NFILZ: variants seen among roughly 807,000 people sequenced by gnomAD.
The protein encoded by NFILZ is NFIL3 like protein.
intron 3 of NFILZ, among the ~76,000 whole-genome samples, chr19:8,642,857 T>C (rs189007587): frequency 6.6e-6 from 1 of 152,056 alleles, no homozygotes; most frequent in Non-Finnish European, 1.5e-5. Flanking sequence ...ATTGTAAATA[T>C]TGGGGCTGTT....
intron 1 of NFILZ, among the ~76,000 whole-genome samples, chr19:8,631,827 C>T (rs1453628754): frequency 1.2e-4 from 11 of 94,452 alleles, no homozygotes; most frequent in African/African-American, 4.2e-4. Flanking sequence ...CCAGTCCTCG[C>T]TTTTGTGTGT....
intron 3 of NFILZ, among the ~76,000 whole-genome samples, chr19:8,640,707 G>T (rs1555746579): frequency 6.6e-6 from 1 of 152,154 alleles, no homozygotes; most frequent in Non-Finnish European, 1.5e-5. Flanking sequence ...GTTGGCAACA[G>T]AATATGTTGT....
rs2043135424 is a variant in NFILZ at position 8,679,488 on chromosome 19, T to C, written c.*1853T>C. On this transcript the variant is annotated 3_prime_UTR_variant, in exon 6 of 6. Coordinates refer to ENST00000691075, the MANE Select transcript of NFILZ (RefSeq NM_001378600.1). ...CACCAGATCTGGGGGCTGGGCTAGT[T>C]CTTGGCTACTCCAAGTTTATCAGAG... is the stretch of plus-strand genomic sequence containing the variant. Among the ~76,000 whole-genome samples, 1 of 151,982 alleles carries C rather than the reference T, an allele frequency of 6.6e-6. No individual in the cohort carries two copies. Among genetic ancestry groups the C allele is most frequent in the Admixed American group, 6.6e-5 (1 of 15,260 alleles).
chr19:8,663,493 G>GAA, intron 3 of NFILZ, among the ~76,000 whole-genome samples: 1 of 146,002 alleles, frequency 6.8e-6, no homozygotes, highest in African/African-American at 2.6e-5. Flanking sequence ...TGGAGGGGAC[G>GAA]CTGGTGGTGG....
At chr19:8,637,566 T>C (rs1238508731) in intron 3 of NFILZ, among the ~76,000 whole-genome samples, 4 of 149,766 alleles carry the variant, frequency 2.7e-5, no homozygotes, top group Admixed American at 6.7e-5. Context: ...TGACCCGAGA[T>C]TGCACCACTG....
intron 3 of NFILZ, among the ~76,000 whole-genome samples, chr19:8,640,990 G>T (rs2146139172): frequency 6.6e-6 from 1 of 152,264 alleles, no homozygotes; most frequent in East Asian, 1.9e-4. Flanking sequence ...TCGGTAATAT[G>T]GACTGAATTG....
At chr19:8,669,147 G>T (rs1237871257) in intron 3 of NFILZ, among the ~76,000 whole-genome samples, 1 of 152,170 alleles carries the variant, frequency 6.6e-6, no homozygotes. Flanking sequence ...GTTTCGCCAT[G>T]TTGGCCAGGC....
At chr19:8,648,212 C>T (rs1390740112) in intron 3 of NFILZ, among the ~76,000 whole-genome samples, 2 of 149,396 alleles carry the variant, frequency 1.3e-5, no homozygotes, top group Non-Finnish European at 3.0e-5. Flanking sequence ...TAGGGAATGC[C>T]GGGCTTAATA....
chr19:8,637,930 A>AAAAAAAAAAAAAAAAAAAAAAG (rs1421127557), intron 3 of NFILZ, among the ~76,000 whole-genome samples: 1 of 149,324 alleles, frequency 6.7e-6, no homozygotes, highest in African/African-American at 2.5e-5. Flanking sequence ...AAAAAAAAAA[A>AAAAAAAAAAAAAAAAAAAAAAG]AAAAGAAAAG....
intron 3 of NFILZ, among the ~76,000 whole-genome samples, chr19:8,672,454 C>CA (rs143520257): frequency 0.033 from 4,722 of 144,546 alleles, 255 homozygotes; most frequent in African/African-American, 0.11. Context: ...TTAGTTCATT[C>CA]AAAAAATCCA....
At chr19:8,638,361 G>C (rs1555746314) in intron 3 of NFILZ, 1 of 152,250 alleles carries the variant, frequency 6.6e-6, no homozygotes, top group African/African-American at 2.4e-5. Flanking sequence ...GTGCCTGGGG[G>C]AAAACCTCAC....
chr19:8,668,113 G>C (rs1555749987), intron 3 of NFILZ, among the ~76,000 whole-genome samples: 2 of 151,896 alleles, frequency 1.3e-5, no homozygotes, highest in Non-Finnish European at 2.9e-5. Context: ...ACCGTACCCA[G>C]CTAATTTTTG....
chr19:8,652,987 C>CTTTCTTTCTTT (rs2042972780), intron 3 of NFILZ, among the ~76,000 whole-genome samples: 8 of 21,440 alleles, frequency 3.7e-4, no homozygotes, highest in East Asian at 3.3e-3. Context: ...TTCCTTCCTT[C>CTTTCTTTCTTT]CTTCCTTCCT....
In NFILZ at chr19:8,635,309, CAAAAAAAAAAAAATTAA is replaced by C. The variant is rs1261088824; in HGVS notation, c.-260-327_-260-311del. Among the ~76,000 whole-genome samples the C allele has an allele frequency of 5.3e-4, 35 of 65,734 alleles. No homozygotes were observed. In the Admixed American group the frequency reaches 6.0e-3, roughly 11 times the overall value. The allele number at this position is 65,734 out of a possible 152,430, so 43.1% of individuals were successfully genotyped here. On this transcript the variant is annotated intron_variant, in intron 2 of 5. Coordinates refer to ENST00000691075, the MANE Select transcript of NFILZ (RefSeq NM_001378600.1). ...TGGGCAACAGAGCAAGACTCCATCT[CAAAAAAAAAAAAATTAA>C]AAAAAAAAAAAAAGAAATACAGAAT... is the stretch of plus-strand genomic sequence containing the variant.
At chr19:8,638,325 G>T (rs1345257947) in intron 3 of NFILZ, among the ~76,000 whole-genome samples, 1 of 152,152 alleles carries the variant, frequency 6.6e-6, no homozygotes, top group East Asian at 1.9e-4. Flanking sequence ...TAGCCGCTGT[G>T]TGCATTTGTG....
chr19:8,663,762 G>GTGTA (rs2043048269), intron 3 of NFILZ, among the ~76,000 whole-genome samples: 5 of 137,842 alleles, frequency 3.6e-5, no homozygotes, highest in Non-Finnish European at 6.3e-5. Flanking sequence ...GTGTGTGTGT[G>GTGTA]TGTGTGTGTA....
At chr19:8,640,437 A>G (rs2042914556) in intron 3 of NFILZ, among the ~76,000 whole-genome samples, 1 of 151,216 alleles carries the variant, frequency 6.6e-6, no homozygotes, top group African/African-American at 2.4e-5. Flanking sequence ...ATAGAGCGTG[A>G]TGACCGGCTT....
chr19:8,653,055 TC>T (rs1351477714), intron 3 of NFILZ, among the ~76,000 whole-genome samples: 3 of 118,960 alleles, frequency 2.5e-5, no homozygotes, highest in East Asian at 5.8e-4. Context: ...TCTCTCTCTC[TC>T]TCTCTCTCTC....
chr19:8,630,965 A>C (rs2042867027), intron 1 of NFILZ, among the ~76,000 whole-genome samples: 1 of 152,188 alleles, frequency 6.6e-6, no homozygotes, highest in African/African-American at 2.4e-5. Context: ...GTCGTGTTGC[A>C]TGGAACTGCG....
Sources: allele counts gnomAD v4.1 joint callset (sites outside exome capture counted in the v4.1 genomes callset), GRCh38; gene constraint gnomAD v4.1.1; transcripts MANE v1.5; gene names NCBI Gene and HGNC (gene_info 2026-07-23, HGNC 2026-07-21).